Variants in NBAS observed in about 807,000 individuals in gnomAD.
NBAS encodes NAG/BC035112 fusion.
In NBAS, 219 loss-of-function variants were observed where a neutral mutation model predicts 302.5. The ratio of observed to expected loss-of-function variants is 0.72; its 90% confidence interval spans 0.65 to 0.81. The LOEUF is 0.81. NBAS is among the 30% of genes least tolerant of loss of function. NBAS has a pLI of 0.00. For synonymous variants in NBAS, 1,118 were observed against 1,021.6 expected (o/e 1.09, Z -1.80); for missense variants, 2,932 against 2,841.6 (o/e 1.03, Z -0.72).
At chr2:15,431,091 G>A (rs1271798729) in intron 21 of NBAS, among the ~76,000 whole-genome samples, 3 of 151,834 alleles carry the variant, frequency 2.0e-5, no homozygotes, top group African/African-American at 4.8e-5. Context: ...ACAGGCGTGC[G>A]CCACTGTGCC....
At chr2:15,346,571 G>A (rs1346004403) in intron 35 of NBAS, among the ~76,000 whole-genome samples, 5 of 152,080 alleles carry the variant, frequency 3.3e-5, no homozygotes, top group Admixed American at 6.6e-5. Context: ...AAATTAGTTC[G>A]ATGATTGTGG....
At chr2:15,092,292 G>C in the NBAS span, among the ~76,000 whole-genome samples, 4 of 152,286 alleles carry the variant, frequency 2.6e-5, no homozygotes, top group South Asian at 2.1e-4. Context: ...CTGGTGGTGA[G>C]TCAATTTGCA....
At chr2:15,016,904 G>T in the NBAS span, among the ~76,000 whole-genome samples, 1 of 152,140 alleles carries the variant, frequency 6.6e-6, no homozygotes, top group Admixed American at 6.5e-5. Flanking sequence ...GAGATGGTTT[G>T]ATATAGGCAT....
At chr2:15,498,753 C>T (rs939502062) in intron 11 of NBAS, among the ~76,000 whole-genome samples, 2 of 150,662 alleles carry the variant, frequency 1.3e-5, no homozygotes, top group African/African-American at 2.4e-5. Context: ...CGTGCTCGCT[C>T]TCTCTCTCTC....
At chr2:15,144,056 T>TATATATATATATAA in the NBAS span, among the ~76,000 whole-genome samples, 2 of 140,842 alleles carry the variant, frequency 1.4e-5, 1 homozygote, top group African/African-American at 5.4e-5. Context: ...AAAATATATA[T>TATATATATATATAA]ATATATATAT....
chr2:15,509,735 T>A (rs1978373), intron 10 of NBAS, among the ~76,000 whole-genome samples: 89,689 of 152,098 alleles, frequency 0.59, 27,064 homozygotes, highest in Middle Eastern at 0.63. Flanking sequence ...TGAACACATA[T>A]CATGTTTGAT....
the NBAS span, among the ~76,000 whole-genome samples, chr2:15,000,303 T>A: frequency 1.3e-5 from 2 of 152,190 alleles, no homozygotes; most frequent in African/African-American, 2.4e-5. Context: ...CCACTTAGAA[T>A]GAGATACTCC....
chr2:14,792,610 G>C, the NBAS span, among the ~76,000 whole-genome samples: 5 of 151,930 alleles, frequency 3.3e-5, no homozygotes, highest in African/African-American at 1.2e-4. Context: ...CGGTAATTTG[G>C]GGACAAAATC....
the NBAS span, among the ~76,000 whole-genome samples, chr2:14,852,833 AT>A: frequency 1.5e-5 from 2 of 135,416 alleles, no homozygotes; most frequent in African/African-American, 5.8e-5. Context: ...AGGATTCCCT[AT>A]TTAATAAATG....
the NBAS span, among the ~76,000 whole-genome samples, chr2:15,118,932 C>A: frequency 6.6e-5 from 10 of 152,276 alleles, no homozygotes; most frequent in Middle Eastern, 3.4e-3. Context: ...CTAAACATAA[C>A]GCAGTGTGAG....
Position 15,424,388 on chromosome 2 carries a change from G to C in NBAS, c.2504C>G (p.Thr835Ser). ...CATAACCTTCTCCACCGTAAGCTGGGTCATCCTGAACCTTAGTAACTCAGG... is the reference window on the plus strand; with the variant it reads ...CATAACCTTCTCCACCGTAAGCTGGCTCATCCTGAACCTTAGTAACTCAGG... ...AQPELLRFRMTQLTVEKVMDW... is the reference protein window; with the variant it reads ...AQPELLRFRMSQLTVEKVMDW... The change falls in exon 23 of 52, where the codon ACC becomes AGC. Residue 835 changes from threonine to serine, a missense_variant. Coordinates refer to ENST00000281513, the MANE Select transcript of NBAS (RefSeq NM_015909.4). 6.2e-7 allele frequency: 1 copy of C among 1,614,068 alleles called. No homozygotes were observed. Among genetic ancestry groups the C allele is most frequent in the Non-Finnish European group, 8.5e-7 (1 of 1,179,976 alleles).
At chr2:14,893,570 C>T in the NBAS span, among the ~76,000 whole-genome samples, 1 of 152,162 alleles carries the variant, frequency 6.6e-6, no homozygotes, top group Non-Finnish European at 1.5e-5. Flanking sequence ...ACTCACTAGA[C>T]TCATTCTTAC....
At chr2:15,424,037 C>G (rs1365573241) in intron 23 of NBAS, among the ~76,000 whole-genome samples, 1 of 152,094 alleles carries the variant, frequency 6.6e-6, no homozygotes, top group Non-Finnish European at 1.5e-5. Context: ...TGGTGTTAAG[C>G]CTACGAAAAA....
At chr2:15,274,562 G>T (rs1669481682) in intron 44 of NBAS, among the ~76,000 whole-genome samples, 1 of 152,028 alleles carries the variant, frequency 6.6e-6, no homozygotes, top group South Asian at 2.1e-4. Context: ...TTTAGCAGCG[G>T]TGTCTAGGTG....
intron 11 of NBAS, among the ~76,000 whole-genome samples, chr2:15,496,174 GCAA>G (rs1681063616): frequency 6.6e-6 from 1 of 151,146 alleles, no homozygotes; most frequent in South Asian, 2.1e-4. Flanking sequence ...ACTGATACAT[GCAA>G]CAACATGGGT....
At chr2:14,958,770 C>T in the NBAS span, among the ~76,000 whole-genome samples, 1 of 152,090 alleles carries the variant, frequency 6.6e-6, no homozygotes, top group South Asian at 2.1e-4. Flanking sequence ...ACACAGGTTG[C>T]CTGCCTTATC....
chr2:15,310,665 G>A (rs1054784704), intron 38 of NBAS, among the ~76,000 whole-genome samples: 17 of 152,160 alleles, frequency 1.1e-4, no homozygotes, highest in East Asian at 1.9e-4. Context: ...GTTCATGCCC[G>A]TAATCTCAAC....
chr2:15,217,617 A>C lies in NBAS; in HGVS notation c.6432+1156T>G, dbSNP rs528278547. On this transcript the variant is annotated intron_variant, in intron 48 of 51. Transcript: ENST00000281513. Reference sequence around the variant, plus strand: ...GTCCTAATTTGTAACACTTATTGACATGATGGTCTAACCCTGCGTGCTAAA... The same window carrying C: ...GTCCTAATTTGTAACACTTATTGACCTGATGGTCTAACCCTGCGTGCTAAA... 2.0e-5 allele frequency among the ~76,000 whole-genome samples: 3 copies of C among 152,384 alleles called. No individual in the cohort carries two copies. In the South Asian group the frequency reaches 6.2e-4, roughly 32 times the overall value.
At chr2:15,194,140 A>G (rs896424394) in intron 48 of NBAS, among the ~76,000 whole-genome samples, 3 of 152,180 alleles carry the variant, frequency 2.0e-5, no homozygotes, top group African/African-American at 7.2e-5. Flanking sequence ...AAGCTAAAAG[A>G]TATTATAAGA....
Sources: gnomAD v4.1 joint callset for allele counts (sites outside exome capture counted in the v4.1 genomes callset) on GRCh38, gnomAD v4.1.1 for gene constraint, MANE v1.5 for transcripts, NCBI Gene and HGNC (gene_info 2026-07-23, HGNC 2026-07-21) for gene names.